WWOX: variants seen among roughly 807,000 people sequenced by gnomAD.
WWOX encodes the protein WW domain-containing oxidoreductase.
Under a neutral mutation model 46.2 loss-of-function variants are expected in WWOX, and 69 were observed. That is an observed-to-expected ratio of 1.49 (90% CI 1.23 to 1.82). The LOEUF (loss-of-function observed/expected upper bound fraction) is 1.82. Among genes scored for constraint, WWOX ranks in the 40% most tolerant of loss-of-function variants. The pLI, the probability that WWOX is intolerant of heterozygous loss-of-function variation, is 0.00. For synonymous variants in WWOX, 359 were observed against 202.6 expected (o/e 1.77, Z -6.56); for missense variants, 919 against 542.6 (o/e 1.69, Z -6.89).
chr16:78,822,203 T>C (rs1364857802), intron 8 of WWOX, among the ~76,000 whole-genome samples: 1 of 151,888 alleles, frequency 6.6e-6, no homozygotes, highest in Non-Finnish European at 1.5e-5. Context: ...TGTCAAAAAA[T>C]CTACGTGAGG....
chr16:78,774,359 C>G (rs2050135930), intron 8 of WWOX, among the ~76,000 whole-genome samples: 1 of 152,116 alleles, frequency 6.6e-6, no homozygotes, highest in African/African-American at 2.4e-5. Context: ...CGAGATCGCG[C>G]CACTGCACTC....
chr16:78,830,157 A>G (rs995698653), intron 8 of WWOX, among the ~76,000 whole-genome samples: 1 of 152,218 alleles, frequency 6.6e-6, no homozygotes, highest in African/African-American at 2.4e-5. Context: ...AGCAGCAGCA[A>G]GAGCTGCCGC....
intron 8 of WWOX, among the ~76,000 whole-genome samples, chr16:78,494,220 G>A (rs1042496674): frequency 6.6e-6 from 1 of 152,152 alleles, no homozygotes; most frequent in East Asian, 1.9e-4. Flanking sequence ...GCACTAGGGG[G>A]ATGGTGATTA....
At chr16:79,032,126 A>C (rs2047774131) in intron 8 of WWOX, among the ~76,000 whole-genome samples, 1 of 145,274 alleles carries the variant, frequency 6.9e-6, no homozygotes. Flanking sequence ...ATATGTGTAT[A>C]TATATATTTG....
chr16:78,830,903 C>A (rs546435091), intron 8 of WWOX, among the ~76,000 whole-genome samples: 1 of 152,078 alleles, frequency 6.6e-6, no homozygotes, highest in African/African-American at 2.4e-5. Flanking sequence ...AGGTCAGGTG[C>A]GTCTTCTTCA....
At chr16:78,416,144 T>A (rs931300375) in intron 6 of WWOX, among the ~76,000 whole-genome samples, 1 of 152,226 alleles carries the variant, frequency 6.6e-6, no homozygotes, top group African/African-American at 2.4e-5. Context: ...TGCTGACTAG[T>A]AACATCAGTT....
intron 8 of WWOX, among the ~76,000 whole-genome samples, chr16:78,734,648 A>T (rs554022385): frequency 1.3e-5 from 2 of 151,956 alleles, no homozygotes; most frequent in East Asian, 3.9e-4. Context: ...TGTTTGGTCA[A>T]ACATCACTCT....
At chr16:78,702,781 G>T (rs967670969) in intron 8 of WWOX, among the ~76,000 whole-genome samples, 1 of 152,174 alleles carries the variant, frequency 6.6e-6, no homozygotes, top group African/African-American at 2.4e-5. Context: ...CACACCTCTT[G>T]CATGTGTATT....
intron 6 of WWOX, among the ~76,000 whole-genome samples, chr16:78,417,489 G>A (rs2082825584): frequency 2.6e-5 from 4 of 152,030 alleles, no homozygotes; most frequent in Admixed American, 2.0e-4. Context: ...CTTAAAAAGT[G>A]CCTAACCCAT....
At chr16:78,905,983 C>T (rs1210521181) in intron 8 of WWOX, among the ~76,000 whole-genome samples, 1 of 152,164 alleles carries the variant, frequency 6.6e-6, no homozygotes, top group Non-Finnish European at 1.5e-5. Flanking sequence ...GCATGCTTGC[C>T]ACTTAGTAAT....
intron 8 of WWOX, among the ~76,000 whole-genome samples, chr16:78,842,216 G>T (rs1424688172): frequency 1.1e-4 from 16 of 152,002 alleles, no homozygotes; most frequent in Non-Finnish European, 2.2e-4. Context: ...AAAATGGGTT[G>T]GGTGCAGTGG....
chr16:79,131,127 C>G (rs1206121075), intron 8 of WWOX, among the ~76,000 whole-genome samples: 2 of 152,096 alleles, frequency 1.3e-5, no homozygotes, highest in African/African-American at 4.8e-5. Context: ...TCCATGCTGC[C>G]CCTGCCTCCC....
At chr16:78,473,297 T>C (rs2084273784) in intron 8 of WWOX, among the ~76,000 whole-genome samples, 1 of 152,132 alleles carries the variant, frequency 6.6e-6, no homozygotes, top group Non-Finnish European at 1.5e-5. Flanking sequence ...GCCTGGGTAA[T>C]TTTTGTAGTT....
intron 8 of WWOX, among the ~76,000 whole-genome samples, chr16:78,481,865 G>C (rs2084500811): frequency 1.3e-5 from 2 of 152,030 alleles, no homozygotes; most frequent in Admixed American, 1.3e-4. Flanking sequence ...TAATCTTCTT[G>C]GGGCTGGAGC....
intron 8 of WWOX, among the ~76,000 whole-genome samples, chr16:78,540,448 A>C (rs578142408): frequency 6.6e-6 from 1 of 152,148 alleles, no homozygotes; most frequent in African/African-American, 2.4e-5. Flanking sequence ...GTCTCTTCTC[A>C]TGGGCATTAC....
intron 8 of WWOX, among the ~76,000 whole-genome samples, chr16:78,601,382 A>C (rs766046976): frequency 8.3e-4 from 125 of 151,492 alleles, no homozygotes; most frequent in Non-Finnish European, 1.7e-3. Flanking sequence ...AAGACAGAGG[A>C]GGTTCAGGGC....
intron 8 of WWOX, among the ~76,000 whole-genome samples, chr16:78,950,186 C>T (rs1040189765): frequency 1.7e-4 from 26 of 152,222 alleles, no homozygotes; most frequent in African/African-American, 6.0e-4. Context: ...TTGTAGATTC[C>T]ATGTCTAATC....
At chr16:78,826,989 G>A (rs1003724599) in intron 8 of WWOX, among the ~76,000 whole-genome samples, 6 of 152,042 alleles carry the variant, frequency 3.9e-5, no homozygotes, top group East Asian at 1.9e-4. Context: ...CTAACCAGCC[G>A]GGTTTAGATT....
At chr16:78,447,141 T>G (rs1241432319) in intron 8 of WWOX, among the ~76,000 whole-genome samples, 2 of 152,186 alleles carry the variant, frequency 1.3e-5, no homozygotes, top group Non-Finnish European at 2.9e-5. Flanking sequence ...AGGCAGAGTA[T>G]TTGATCTTAC....
Sources: gnomAD v4.1 joint callset for allele counts (sites outside exome capture counted in the v4.1 genomes callset) on GRCh38, gnomAD v4.1.1 for gene constraint, MANE v1.5 for transcripts, NCBI Gene and HGNC (gene_info 2026-07-23, HGNC 2026-07-21) for gene names.